TXNL4A: variants seen among roughly 807,000 people sequenced by gnomAD.
TXNL4A encodes the protein thioredoxin like 4A, also known as thioredoxin-like protein 4A.
TXNL4A carries 17 observed loss-of-function variants against 14.6 expected under a neutral mutation model. The ratio of observed to expected loss-of-function variants is 1.16; its 90% CI spans 0.80 to 1.74. TXNL4A has a LOEUF of 1.74. TXNL4A is among the 40% of genes most tolerant of loss of function. TXNL4A has a pLI of 0.00. For synonymous variants in TXNL4A, 83 were observed against 70.6 expected, an observed-to-expected ratio of 1.18 and a Z score of -0.88; for missense variants, 74 against 195.2, an observed-to-expected ratio of 0.38 and a Z score of 3.70.
At chr18:80,000,048 C>A (rs971814338) in intron 1 of TXNL4A, among the ~76,000 whole-genome samples, 1 of 152,168 alleles carries the variant, frequency 6.6e-6, no homozygotes, top group African/African-American at 2.4e-5. Context: ...ATTACCCAGT[C>A]TTGGGTGTGT....
At chr18:79,993,057 C>T (rs1384936317), upstream of TXNL4A, among the ~76,000 whole-genome samples, 12 of 152,022 alleles carry the variant, frequency 7.9e-5, no homozygotes, top group African/African-American at 1.2e-4. The surrounding 1 kb of genome is among the most constrained non-coding windows in gnomAD (Gnocchi z 4.4). Flanking sequence ...CTCCCAGGCA[C>T]GAGTCCTTAT....
chr18:79,990,358 G>A (rs2051618236), upstream of TXNL4A, among the ~76,000 whole-genome samples: 1 of 152,196 alleles, frequency 6.6e-6, no homozygotes, highest in African/African-American at 2.4e-5. Flanking sequence ...TAAGCATAGT[G>A]GTTAACAGTG....
chr18:80,028,433 A>T (rs2051899293), intron 1 of TXNL4A, among the ~76,000 whole-genome samples: 1 of 151,554 alleles, frequency 6.6e-6, no homozygotes, highest in African/African-American at 2.4e-5. Context: ...CAGTATAATA[A>T]TCTTAATCTG....
At chr18:80,029,035 G>C (rs1198394170) in intron 1 of TXNL4A, among the ~76,000 whole-genome samples, 1 of 152,172 alleles carries the variant, frequency 6.6e-6, no homozygotes, top group Non-Finnish European at 1.5e-5. Flanking sequence ...GAAACACTTA[G>C]AAACATGTTG....
intron 1 of TXNL4A, among the ~76,000 whole-genome samples, chr18:79,998,332 T>A (rs2051676596): frequency 6.6e-6 from 1 of 151,768 alleles, no homozygotes; most frequent in Non-Finnish European, 1.5e-5. Flanking sequence ...CCAAATTTCT[T>A]CCTTATGGCT....
intron 1 of TXNL4A, among the ~76,000 whole-genome samples, chr18:80,007,616 T>A (rs1481585622): frequency 2.0e-5 from 3 of 151,840 alleles, no homozygotes; most frequent in Non-Finnish European, 4.4e-5. Context: ...TTTAATCAGG[T>A]ACTGAGTATA....
At position 79,982,012 on chromosome 18, in the gene TXNL4A, C is replaced by T. The variant is rs111262736; in HGVS notation, c.154-4311G>A. 6.6e-6 allele frequency among the ~76,000 whole-genome samples: 1 copy of T among 152,160 alleles called. No individual in the cohort carries two copies. Among genetic ancestry groups the T allele is most frequent in the African/African-American group, 2.4e-5 (1 of 41,436 alleles). On this transcript the variant is annotated intron_variant, in intron 1 of 2. Transcript: ENST00000269601. This position sits in a 1 kb window ranked among gnomAD's most constrained non-coding sequence, Gnocchi z 4.0. The stretch of plus-strand genomic sequence containing the variant: ...GTCACGTGAGTGATGCCCAGCCGCA[C>T]GGGGAAGGGGCAGAGCTGAGATGCA...
intron 2 of TXNL4A, among the ~76,000 whole-genome samples, chr18:79,976,966 ATT>A (rs11328079): frequency 2.0e-5 from 3 of 150,896 alleles, no homozygotes; most frequent in East Asian, 3.9e-4. Context: ...TAGGTTTTTG[ATT>A]TTTTTTTTTG....
chr18:80,013,161 C>T (rs545971900), intron 1 of TXNL4A, among the ~76,000 whole-genome samples: 45 of 151,086 alleles, frequency 3.0e-4, no homozygotes, highest in African/African-American at 1.1e-3. Flanking sequence ...GGCTCTGTCC[C>T]CCAGGCTGGA....
In TXNL4A at chr18:79,987,355, C is replaced by A. The variant is rs369143213; in HGVS notation, c.153+885G>T. ...GTCCTTACATCTGTTACTCTTTACT[C>A]AAAGGAGTTATTTTAACCCAGGCCT... On this transcript the variant is annotated intron_variant, in intron 1 of 2. Coordinates refer to ENST00000269601, the MANE Select transcript of TXNL4A (RefSeq NM_006701.5). Among the ~76,000 whole-genome samples the A allele has an allele frequency of 1.1e-3, 167 of 152,290 alleles. 1 individual carries two copies. The highest frequency in any genetic ancestry group is 3.1e-3 in the South Asian group (15 of 4,824).
chr18:80,022,614 T>G (rs1254352908), intron 1 of TXNL4A, among the ~76,000 whole-genome samples: 2 of 152,216 alleles, frequency 1.3e-5, no homozygotes, highest in Admixed American at 1.3e-4. Context: ...TTAAAGGAGT[T>G]CCAGTGATTT....
chr18:79,994,135 T>G (rs1568372346), intron 1 of TXNL4A, among the ~76,000 whole-genome samples: 1 of 152,198 alleles, frequency 6.6e-6, no homozygotes, highest in Non-Finnish European at 1.5e-5. Flanking sequence ...GCCAGGTACA[T>G]GCAAAATACT....
At chr18:79,973,965 C>T in intron 2 of TXNL4A, 109 bp from the exon 3 acceptor site, 1 of 1,451,346 alleles carries the variant, frequency 6.9e-7, no homozygotes. Context: ...GTTAACATCA[C>T]TGAAGAACGC....
intron 2 of TXNL4A, 65 bp downstream of exon 2, chr18:79,977,533 C>T (rs759499936): frequency 1.5e-6 from 2 of 1,325,488 alleles, no homozygotes; most frequent in East Asian, 4.6e-5. Flanking sequence ...CTAAAGAGAT[C>T]TTGATTACAT....
intron 1 of TXNL4A, among the ~76,000 whole-genome samples, chr18:79,978,545 G>A (rs2051414292): frequency 6.6e-6 from 1 of 152,194 alleles, no homozygotes; most frequent in African/African-American, 2.4e-5. Flanking sequence ...CCAGGCTGGA[G>A]TGCAGTGGCA....
intron 1 of TXNL4A, among the ~76,000 whole-genome samples, chr18:79,985,158 A>G (rs959225550): frequency 5.3e-5 from 8 of 152,204 alleles, no homozygotes; most frequent in Non-Finnish European, 1.0e-4. Flanking sequence ...TCAAAGGTCC[A>G]TGAAATTGTC....
chr18:80,012,398 T>C (rs574443184), intron 1 of TXNL4A, among the ~76,000 whole-genome samples: 1 of 152,338 alleles, frequency 6.6e-6, no homozygotes, highest in East Asian at 1.9e-4. Context: ...CTGACAATGC[T>C]ACCGTGTTAG....
At chr18:79,987,956 GA>G (rs1324971176) in intron 1 of TXNL4A, among the ~76,000 whole-genome samples, 10 of 152,266 alleles carry the variant, frequency 6.6e-5, no homozygotes, top group African/African-American at 1.9e-4. Context: ...ATAAGTTTGG[GA>G]AAAACGCCTT....
chr18:80,025,275 G>C (rs1194044085), intron 1 of TXNL4A, among the ~76,000 whole-genome samples: 1 of 152,164 alleles, frequency 6.6e-6, no homozygotes, highest in Non-Finnish European at 1.5e-5. Context: ...TGCTAATCAA[G>C]AACTCTCTAA....
Sources: allele counts gnomAD v4.1 joint callset (sites outside exome capture counted in the v4.1 genomes callset), GRCh38; gene constraint gnomAD v4.1.1; non-coding constraint Gnocchi (gnomAD v3.1); transcripts MANE v1.5; gene names NCBI Gene and HGNC (gene_info 2026-07-23, HGNC 2026-07-21).